CELF4: variants seen among roughly 807,000 people sequenced by gnomAD.
The protein encoded by CELF4 is CUG-BP- and ETR-3-like factor 4.
CELF4 carries 18 observed loss-of-function variants against 59.9 expected under a neutral mutation model. The observed-to-expected ratio is 0.30, with a 90% CI of 0.21 to 0.45. CELF4 has a LOEUF of 0.45. Ranked by LOEUF, CELF4 falls within the 20% of genes least tolerant of loss-of-function variation. The probability of loss-of-function intolerance (pLI) is 1.00; values close to 1 mark genes in which losing one functional copy is unlikely to be tolerated. For synonymous variants in CELF4, 261 were observed against 267.1 expected, an observed-to-expected ratio of 0.98 and a Z score of 0.22; for missense variants, 456 against 689.0, an observed-to-expected ratio of 0.66 and a Z score of 3.79.
At chr18:37,509,633 C>T (rs543104121) in intron 1 of CELF4, among the ~76,000 whole-genome samples, 12 of 152,294 alleles carry the variant, frequency 7.9e-5, no homozygotes, top group South Asian at 2.1e-4. Flanking sequence ...AGGCATAAGC[C>T]GTATGATCTA....
chr18:37,553,798 G>A (rs969606243), intron 1 of CELF4, among the ~76,000 whole-genome samples: 7 of 152,124 alleles, frequency 4.6e-5, no homozygotes, highest in Admixed American at 3.3e-4. Flanking sequence ...GGTAGGGTGC[G>A]GGAGAGGTTT....
chr18:37,326,297 CCAT>C (rs2097308902), intron 2 of CELF4, among the ~76,000 whole-genome samples: 1 of 152,156 alleles, frequency 6.6e-6, no homozygotes, highest in African/African-American at 2.4e-5. Context: ...AGGCCAGTTG[CCAT>C]CTCCTTGCCC....
At chr18:37,397,908 T>A (rs577768001) in intron 2 of CELF4, among the ~76,000 whole-genome samples, 4 of 152,280 alleles carry the variant, frequency 2.6e-5, no homozygotes, top group Admixed American at 2.6e-4. Flanking sequence ...GATCCTTGGA[T>A]GTGCTTTGTT....
intron 2 of CELF4, chr18:37,473,210 C>G (rs564035230): frequency 6.6e-6 from 1 of 152,284 alleles, no homozygotes; most frequent in African/African-American, 2.4e-5. Context: ...ACAGAGCACC[C>G]CTACCTCACC....
At chr18:37,440,094 C>T (rs1603639378) in intron 2 of CELF4, among the ~76,000 whole-genome samples, 1 of 152,130 alleles carries the variant, frequency 6.6e-6, no homozygotes, top group Non-Finnish European at 1.5e-5. Context: ...GTGACTCTGT[C>T]TGGTTAGAAT....
At chr18:37,397,450 C>T (rs1428311220) in intron 2 of CELF4, among the ~76,000 whole-genome samples, 1 of 152,090 alleles carries the variant, frequency 6.6e-6, no homozygotes, top group Non-Finnish European at 1.5e-5. Flanking sequence ...CCCTGGGTAC[C>T]CAGGACCATC....
chr18:37,552,851 C>T (rs1020355239), intron 1 of CELF4, among the ~76,000 whole-genome samples: 1 of 152,222 alleles, frequency 6.6e-6, no homozygotes, highest in African/African-American at 2.4e-5. Flanking sequence ...TCCTCTGCAG[C>T]TGGTGTGTGG....
intron 2 of CELF4, among the ~76,000 whole-genome samples, chr18:37,470,848 G>C (rs2099819197): frequency 1.2e-5 from 1 of 80,304 alleles, no homozygotes; most frequent in Non-Finnish European, 2.5e-5. Flanking sequence ...GTGTGTGTGT[G>C]TGTGTGTGTG....
At chr18:37,283,733 T>A (rs1050021970) in intron 3 of CELF4, among the ~76,000 whole-genome samples, 1 of 150,726 alleles carries the variant, frequency 6.6e-6, no homozygotes, top group Non-Finnish European at 1.5e-5. Flanking sequence ...GAGCATGGAG[T>A]GATGAGCCCT....
At chr18:37,360,098 C>A (rs889074506) in intron 2 of CELF4, among the ~76,000 whole-genome samples, 1 of 152,142 alleles carries the variant, frequency 6.6e-6, no homozygotes, top group East Asian at 1.9e-4. Flanking sequence ...GGCAATCCAC[C>A]CGCCTCGGCC....
chr18:37,302,635 T>G (rs9957600), intron 3 of CELF4, among the ~76,000 whole-genome samples: 54,704 of 152,038 alleles, frequency 0.36, 11,311 homozygotes, highest in African/African-American at 0.58. Context: ...GGGTGAGGAT[T>G]GACGCCTCCC....
intron 2 of CELF4, among the ~76,000 whole-genome samples, chr18:37,431,531 C>A (rs2099666171): frequency 6.6e-6 from 1 of 151,982 alleles, no homozygotes; most frequent in Admixed American, 6.6e-5. Context: ...CCACGCCCAG[C>A]TAATTATTTT....
intron 1 of CELF4, among the ~76,000 whole-genome samples, chr18:37,508,823 C>G (rs2099941113): frequency 6.6e-6 from 1 of 152,218 alleles, no homozygotes; most frequent in East Asian, 1.9e-4. Flanking sequence ...TCCCTCTGAG[C>G]CAAGCCAGTT....
chr18:37,447,438 C>T (rs975185475), intron 2 of CELF4, among the ~76,000 whole-genome samples: 3 of 152,236 alleles, frequency 2.0e-5, no homozygotes, highest in Non-Finnish European at 4.4e-5. Context: ...CTGTCAGAGT[C>T]GGGGCCTCAC....
At chr18:37,397,376 GC>G (rs1312936658) in intron 2 of CELF4, among the ~76,000 whole-genome samples, 2 of 152,152 alleles carry the variant, frequency 1.3e-5, no homozygotes, top group African/African-American at 4.8e-5. Context: ...CATGATCCCT[GC>G]CCCCCAGGAG....
chr18:37,340,112 C>T (rs143171047), intron 2 of CELF4, among the ~76,000 whole-genome samples: 541 of 152,304 alleles, frequency 3.6e-3, no homozygotes, highest in Non-Finnish European at 5.9e-3. Context: ...CACCACAATG[C>T]CCAGCCTGGG....
intron 2 of CELF4, among the ~76,000 whole-genome samples, chr18:37,470,534 C>T (rs1325236413): frequency 6.6e-6 from 1 of 152,160 alleles, no homozygotes; most frequent in Non-Finnish European, 1.5e-5. Context: ...CAAATGAGAA[C>T]AGACCCAAAT....
intron 3 of CELF4, among the ~76,000 whole-genome samples, chr18:37,288,601 C>G (rs1055089131): frequency 3.3e-5 from 5 of 152,190 alleles, no homozygotes; most frequent in Non-Finnish European, 1.5e-5. Flanking sequence ...CTCTCCAGCT[C>G]TCATCTAACA....
chr18:37,284,125 C>G (rs1256327723), intron 3 of CELF4, among the ~76,000 whole-genome samples: 1 of 148,514 alleles, frequency 6.7e-6, no homozygotes, highest in Non-Finnish European at 1.5e-5. Context: ...GCACCCACCC[C>G]TCAACACAGA....
Sources: allele counts gnomAD v4.1 joint callset (sites outside exome capture counted in the v4.1 genomes callset), GRCh38; gene constraint gnomAD v4.1.1; transcripts MANE v1.5; gene names NCBI Gene and HGNC (gene_info 2026-07-23, HGNC 2026-07-21).